The following SSX2IP variants were observed in gnomAD, a reference collection of about 807,000 sequenced individuals.
SSX2IP encodes afadin- and alpha-actinin-binding protein.
A neutral mutation model predicts 84.9 loss-of-function variants in SSX2IP; 55 were observed. That is an observed-to-expected ratio of 0.65 (90% CI 0.52 to 0.81). SSX2IP has a LOEUF of 0.81. Ranked by LOEUF, SSX2IP falls within the 30% of genes least tolerant of loss-of-function variation. The pLI is 0.00. For synonymous variants in SSX2IP, 239 were observed against 234.7 expected, an observed-to-expected ratio of 1.02 and a Z score of -0.17; for missense variants, 664 against 705.2, an observed-to-expected ratio of 0.94 and a Z score of 0.66.
chr1:84,670,576 T>G (rs1303965644), intron 3 of SSX2IP, 70 bp downstream of exon 3: 1 of 1,133,374 alleles, frequency 8.8e-7, no homozygotes, highest in Non-Finnish European at 1.2e-6. Context: ...ACAAATGTTT[T>G]TCTCATAATT....
At chr1:84,661,584 C>CTTT (rs1208068533) in intron 8 of SSX2IP, among the ~76,000 whole-genome samples, 30 of 152,156 alleles carry the variant, frequency 2.0e-4, no homozygotes, top group African/African-American at 5.5e-4. Context: ...CCAAAAAGAG[C>CTTT]TTCTTGAGGG....
In SSX2IP at chr1:84,679,527, G is replaced by A. The variant is rs147812716; in HGVS notation, c.-89-8219C>T. Among the ~76,000 whole-genome samples, 466 of 152,252 alleles carry A rather than the reference G, an allele frequency of 3.1e-3. 3 individuals are homozygous for A. Among genetic ancestry groups the A allele is most frequent in the African/African-American group, 0.011 (442 of 41,540 alleles). On this transcript the variant is annotated intron_variant, in intron 1 of 13. Coordinates refer to ENST00000342203, the MANE Select transcript of SSX2IP (RefSeq NM_001166293.2). ...TGTGGCCAATAGAGGATTTATAGTT[G>A]GAAAGTACAGTGCAAACAATGCCAG...
intron 3 of SSX2IP, 199 bp downstream of exon 3, chr1:84,670,446 AG>A (rs1653405001): frequency 2.9e-6 from 1 of 344,386 alleles, no homozygotes; most frequent in Non-Finnish European, 5.2e-6. Context: ...TGGGACAATG[AG>A]GAGGCCAAGG....
chr1:84,670,447 G>C (rs1653404657), intron 3 of SSX2IP, 199 bp downstream of exon 3: 2 of 344,806 alleles, frequency 5.8e-6, no homozygotes, highest in Non-Finnish European at 1.0e-5. Flanking sequence ...GGGACAATGA[G>C]GAGGCCAAGG....
At chr1:84,663,942 C>A (rs565651729) in intron 6 of SSX2IP, among the ~76,000 whole-genome samples, 1 of 152,268 alleles carries the variant, frequency 6.6e-6, no homozygotes, top group African/African-American at 2.4e-5. Context: ...ATACCTTAGA[C>A]ACACACACGC....
chr1:84,682,335 T>C (rs957172457), intron 1 of SSX2IP, among the ~76,000 whole-genome samples: 1 of 152,188 alleles, frequency 6.6e-6, no homozygotes, highest in East Asian at 1.9e-4. Context: ...TTCTGTTATG[T>C]ACTGAGAAAC....
chr1:84,671,703 A>G (rs1447847396), intron 1 of SSX2IP, among the ~76,000 whole-genome samples: 1 of 152,174 alleles, frequency 6.6e-6, no homozygotes, highest in Admixed American at 6.5e-5. Context: ...GTTTGTTTTT[A>G]CCAACTATAT....
intron 1 of SSX2IP, among the ~76,000 whole-genome samples, chr1:84,684,771 A>AT (rs2102609264): frequency 6.6e-6 from 1 of 152,352 alleles, no homozygotes; most frequent in East Asian, 1.9e-4. Context: ...ACAAAATGGA[A>AT]TATTATGCAG....
rs540434802 is a variant in SSX2IP at position 84,645,936 on chromosome 1, A to G, written c.*1497T>C. On this transcript the variant is annotated 3_prime_UTR_variant, in exon 14 of 14. Transcript: ENST00000342203. ...CACTAATGTCTCATAAGACACTCTTAATGATATCCTATCAGCCCTGAAAAA... is the reference window on the plus strand; with the variant it reads ...CACTAATGTCTCATAAGACACTCTTGATGATATCCTATCAGCCCTGAAAAA... 6.6e-5 allele frequency: 10 copies of G among 152,314 alleles called. No individual in the cohort carries two copies. Among genetic ancestry groups the G allele is most frequent in the African/African-American group, 2.2e-4 (9 of 41,582 alleles). 9.4% of individuals were successfully genotyped at this position (152,314 alleles called of 1,614,324 possible).
chr1:84,682,920 T>A (rs529884468), intron 1 of SSX2IP, among the ~76,000 whole-genome samples: 13 of 152,218 alleles, frequency 8.5e-5, no homozygotes, highest in Non-Finnish European at 1.8e-4. Flanking sequence ...TAGCAATTAC[T>A]TGGAACAATT....
Position 84,681,224 on chromosome 1 carries a change from A to C in SSX2IP, c.-90+9147T>G, listed in dbSNP as rs141414332. Among the ~76,000 whole-genome samples the C allele has an allele frequency of 3.3e-3, 497 of 152,342 alleles. 3 individuals are homozygous for C. Among genetic ancestry groups the C allele is most frequent in the African/African-American group, 0.011 (473 of 41,588 alleles). The stretch of plus-strand genomic sequence containing the variant: ...CATACTTCTAGGCATATAAGAGAGC[A>C]AGCATAATATATATTGAGGACATTG... On this transcript the variant is annotated intron_variant, in intron 1 of 13. Coordinates refer to ENST00000342203, the MANE Select transcript of SSX2IP (RefSeq NM_001166293.2).
intron 1 of SSX2IP, among the ~76,000 whole-genome samples, chr1:84,680,621 C>G (rs1363104952): frequency 6.6e-6 from 1 of 151,458 alleles, no homozygotes. Flanking sequence ...GTTACAAAAC[C>G]ATATCTAATA....
At chr1:84,662,551 A>C in intron 6 of SSX2IP, 21 bp from the exon 7 acceptor site, 1 of 1,611,874 alleles carries the variant, frequency 6.2e-7, no homozygotes, top group South Asian at 1.1e-5. Context: ...GAACACATAA[A>C]ATTAATTCTT....
chr1:84,652,126 T>G, intron 11 of SSX2IP, 129 bp from the exon 12 acceptor site: 1 of 667,190 alleles, frequency 1.5e-6, no homozygotes, highest in Non-Finnish European at 2.6e-6. Context: ...GTCAAATGAG[T>G]TAACCTAAAA....
chr1:84,681,820 C>A (rs552930484), intron 1 of SSX2IP, among the ~76,000 whole-genome samples: 4 of 152,278 alleles, frequency 2.6e-5, no homozygotes, highest in East Asian at 3.9e-4. Flanking sequence ...GTAATGCAGT[C>A]TTCATACCTG....
chr1:84,672,018 T>C (rs954913706), intron 1 of SSX2IP, among the ~76,000 whole-genome samples: 1 of 152,266 alleles, frequency 6.6e-6, no homozygotes, highest in Middle Eastern at 3.4e-3. Context: ...TAAACGTAAC[T>C]GTGTGGAATT....
intron 5 of SSX2IP, among the ~76,000 whole-genome samples, 166 bp from the exon 6 acceptor site, chr1:84,664,718 G>GT (rs1027719059): frequency 1.3e-5 from 2 of 152,034 alleles, no homozygotes; most frequent in African/African-American, 4.8e-5. Flanking sequence ...ATCACATAAA[G>GT]TTTTTTTAAT....
intron 1 of SSX2IP, among the ~76,000 whole-genome samples, chr1:84,674,584 A>C (rs1654045897): frequency 6.6e-6 from 1 of 152,192 alleles, no homozygotes. Flanking sequence ...CTCCTTATAC[A>C]GAAAGAACAC....
intron 13 of SSX2IP, 64 bp downstream of exon 13, chr1:84,650,298 C>G: frequency 2.0e-6 from 3 of 1,520,092 alleles, no homozygotes; most frequent in Non-Finnish European, 2.7e-6. Context: ...TGCCACCTTT[C>G]CCTTAGCAGT....
Sources: gnomAD v4.1 joint callset for allele counts (sites outside exome capture counted in the v4.1 genomes callset) on GRCh38, gnomAD v4.1.1 for gene constraint, MANE v1.5 for transcripts, NCBI Gene and HGNC (gene_info 2026-07-23, HGNC 2026-07-21) for gene names.